TMEM41A: variants seen among roughly 807,000 people sequenced by gnomAD.
TMEM41A encodes transmembrane protein 41A.
A neutral mutation model predicts 25.7 loss-of-function variants in TMEM41A; 20 were observed. That is an observed-to-expected ratio of 0.78 (90% CI 0.55 to 1.13). The LOEUF (loss-of-function observed/expected upper bound fraction) is 1.13, where lower values mean the gene tolerates loss of function less well. Ranked by LOEUF, TMEM41A falls within the 50% of genes most tolerant of loss-of-function variation. The pLI is 0.00. For synonymous variants in TMEM41A, 133 were observed against 139.6 expected (o/e 0.95, Z 0.33); for missense variants, 299 against 314.3 (o/e 0.95, Z 0.37).
intron 1 of TMEM41A, 87 bp downstream of exon 1, chr3:185,498,756 C>CCCGAATAT: frequency 9.9e-7 from 1 of 1,009,744 alleles, no homozygotes; most frequent in Non-Finnish European, 1.4e-6. Context: ...GATACCGGAA[C>CCCGAATAT]CCGAATCTCC....
chr3:185,491,410 C>A lies in TMEM41A; in HGVS notation c.*127G>T. On this transcript the variant is annotated 3_prime_UTR_variant, in exon 5 of 5. Transcript: ENST00000421852. The stretch of plus-strand genomic sequence containing the variant: ...GAGTGTCCTTTCTGAAAAGACACTG[C>A]ACATTGATGCACAGTGTCCACATCA... 1 of 697,114 alleles carries A rather than the reference C, an allele frequency of 1.4e-6. No homozygotes were observed. The highest frequency in any genetic ancestry group is 2.4e-6 in the Non-Finnish European group (1 of 412,518). 43.2% of individuals were successfully genotyped at this position (697,114 alleles called of 1,614,324 possible).
chr3:185,492,397 T>C (rs1424710815), intron 4 of TMEM41A: 1 of 152,104 alleles, frequency 6.6e-6, no homozygotes, highest in Non-Finnish European at 1.5e-5. Flanking sequence ...AGTAAAAAAA[T>C]GCATAAGGTT....
Position 185,498,695 on chromosome 3 carries a change from ACCAGACCCGGATT to A in TMEM41A, c.119+135_119+147del, listed in dbSNP as rs759966628. 6.5e-4 allele frequency: 418 copies of A among 645,500 alleles called. 1 individual carries two copies. Among genetic ancestry groups the A allele is most frequent in the Non-Finnish European group, 9.4e-4 (361 of 382,172 alleles). The allele number at this position is 645,500 out of a possible 1,614,324, so 40.0% of individuals were successfully genotyped here. A position where few individuals can be genotyped will look rare whatever the true frequency, so the allele number is the denominator to read the frequency against. On this transcript the variant is annotated intron_variant, in intron 1 of 4. Coordinates refer to ENST00000421852, the MANE Select transcript of TMEM41A (RefSeq NM_080652.4). ...AGACCGTGCGGACGCGGGCCCGGAT[ACCAGACCCGGATT>A]CCAGTCCGATAAGTGAACCTCAATT...
Position 185,491,772 on chromosome 3 carries a change from G to A in TMEM41A, c.575-15C>T, listed in dbSNP as rs778312138. On this transcript the variant is annotated splice_polypyrimidine_tract_variant and intron_variant, in intron 4 of 4. Transcript: ENST00000421852. ...TGGGATCAAACCTGGAAGAAGAAAA[G>A]GACAAAGCACCTGTTACAAGCAGCA... 1.0e-5 allele frequency: 16 copies of A among 1,577,036 alleles called. No individual in the cohort carries two copies. The highest frequency in any genetic ancestry group is 9.5e-6 in the Non-Finnish European group (11 of 1,156,234).
Position 185,491,436 on chromosome 3 carries a change from C to A in TMEM41A, c.*101G>T. ...ACATTGATGCACAGTGTCCACATCACCTATAGAAGGCAATCAAAAACAATG... is the reference window on the plus strand; with the variant it reads ...ACATTGATGCACAGTGTCCACATCAACTATAGAAGGCAATCAAAAACAATG... On this transcript the variant is annotated 3_prime_UTR_variant, in exon 5 of 5. Coordinates refer to ENST00000421852, the MANE Select transcript of TMEM41A (RefSeq NM_080652.4). The A allele has an allele frequency of 1.2e-6, 1 of 861,636 alleles. No individual in the cohort carries two copies. Among genetic ancestry groups the A allele is most frequent in the East Asian group, 2.5e-5 (1 of 39,986 alleles). 53.4% of individuals were successfully genotyped at this position (861,636 alleles called of 1,614,324 possible).
At chr3:185,494,595 A>G (rs1719045294) in intron 4 of TMEM41A, 28 bp downstream of exon 4, 5 of 1,560,702 alleles carry the variant, frequency 3.2e-6, no homozygotes, top group Non-Finnish European at 3.5e-6. Context: ...AGCTCTGAAG[A>G]CTCAAACCTA....
intron 2 of TMEM41A, 181 bp downstream of exon 2, chr3:185,496,647 G>A: frequency 1.4e-6 from 1 of 720,474 alleles, no homozygotes; most frequent in African/African-American, 1.7e-5. Flanking sequence ...AAAGGAAGCT[G>A]TCAGTGTCTC....
At chr3:185,496,593 CT>C in intron 2 of TMEM41A, 5 of 583,744 alleles carry the variant, frequency 8.6e-6, no homozygotes, top group African/African-American at 3.7e-5. Flanking sequence ...CAGCCTCAGC[CT>C]AGAGGAGAGA....
rs748032280 is a variant in TMEM41A at position 185,495,199 on chromosome 3, CAACT to C, written c.386_389del (p.Gln129ArgfsTer31). ...CTTTATCAGGAAAGTAGGACACCAC[CAACT>C]GTTTGCCAAAAATACTGGAGAGCAG... On this transcript the variant is annotated frameshift_variant, in exon 3 of 5. Coordinates refer to ENST00000421852, the MANE Select transcript of TMEM41A (RefSeq NM_080652.4). 7.4e-6 allele frequency: 12 copies of C among 1,613,910 alleles called. No homozygotes were observed. Among genetic ancestry groups the C allele is most frequent in the Non-Finnish European group, 1.0e-5 (12 of 1,180,006 alleles).
At position 185,491,748 on chromosome 3, in the gene TMEM41A, G is replaced by C. The variant is rs1365483468; in HGVS notation, c.584C>G (p.Pro195Arg). 1 of 1,610,424 alleles carries C rather than the reference G, an allele frequency of 6.2e-7. No individual in the cohort carries two copies. Among genetic ancestry groups the C allele is most frequent in the African/African-American group, 1.3e-5 (1 of 74,848 alleles). ...TGTCTGCACACAGATGAAATTATATGGGATCAAACCTGGAAGAAGAAAAGG... is the reference window on the plus strand; with the variant it reads ...TGTCTGCACACAGATGAAATTATATCGGATCAAACCTGGAAGAAGAAAAGG... ...FFFSVLIGLI[P>R]YNFICVQTGS... The change falls in exon 5 of 5, where the codon CCA becomes CGA. Residue 195 changes from proline (P) to arginine (R), a missense_variant. Transcript: ENST00000421852.
rs1295993399 is a variant in TMEM41A, at chr3:185,491,471, A to G, written c.*66T>C. On this transcript the variant is annotated 3_prime_UTR_variant, in exon 5 of 5. Transcript: ENST00000421852. ...GCAATCAAAAACAATGAGGGGCTTT[A>G]GAGGACCACATCCATTACACAAATA... is the stretch of plus-strand genomic sequence containing the variant. 1 of 1,315,898 alleles carries G rather than the reference A, an allele frequency of 7.6e-7. No individual in the cohort carries two copies. Among genetic ancestry groups the G allele is most frequent in the Non-Finnish European group, 1.1e-6 (1 of 924,004 alleles). 81.5% of individuals were successfully genotyped at this position (1,315,898 alleles called of 1,614,324 possible).
In TMEM41A at chr3:185,495,263, C is replaced by G. The variant is rs780230520; in HGVS notation, c.326G>C (p.Cys109Ser). The change falls in exon 3 of 5, where the codon TGT becomes TCT. Residue 109 changes from cysteine (C) to serine (S), a missense_variant. Cys to Ser is a moderately radical substitution (Grantham distance 112). Coordinates refer to ENST00000421852, the MANE Select transcript of TMEM41A (RefSeq NM_080652.4). ...TGTGGCACCCACCGAGGTCAACACA[C>G]AGCACAGCAGAAGCCCCAGCCATGG... ...FGPWLGLLLCCVLTSVGATCC... is the reference protein window; with the variant it reads ...FGPWLGLLLCSVLTSVGATCC... 1 of 1,613,974 alleles carries G rather than the reference C, an allele frequency of 6.2e-7. No individual in the cohort carries two copies. Among genetic ancestry groups the G allele is most frequent in the South Asian group, 1.1e-5 (1 of 91,066 alleles).
Position 185,494,599 on chromosome 3 carries a change from A to C in TMEM41A, c.574+24T>G, listed in dbSNP as rs115736617. 436 of 1,564,078 alleles carry C rather than the reference A, an allele frequency of 2.8e-4. No individual in the cohort carries two copies. In the African/African-American group the frequency reaches 5.4e-3, roughly 19 times the overall value. Reference sequence around the variant, plus strand: ...CCCAGCGTGACAGCTCTGAAGACTCAAACCTACCCCACTAGCATCTTACCG... The same window carrying C: ...CCCAGCGTGACAGCTCTGAAGACTCCAACCTACCCCACTAGCATCTTACCG... On this transcript the variant is annotated intron_variant, in intron 4 of 4. Transcript: ENST00000421852.
intron 4 of TMEM41A, 27 bp from the exon 5 acceptor site, chr3:185,491,784 T>G (rs756775101): frequency 1.3e-6 from 2 of 1,532,030 alleles, no homozygotes; most frequent in Non-Finnish European, 1.8e-6. Flanking sequence ...ACAAAGCACC[T>G]GTTACAAGCA....
At chr3:185,498,151 A>G (rs1172983675) in intron 1 of TMEM41A, among the ~76,000 whole-genome samples, 3 of 140,602 alleles carry the variant, frequency 2.1e-5, no homozygotes, top group African/African-American at 8.0e-5. Flanking sequence ...TGTAGTCCCA[A>G]TTACTTGGGA....
At chr3:185,492,303 AAAATAAAT>A (rs898397862) in intron 4 of TMEM41A, 12 of 152,200 alleles carry the variant, frequency 7.9e-5, no homozygotes, top group African/African-American at 2.2e-4. Flanking sequence ...CTCTGTCTCA[AAAATAAAT>A]AAATAAATAA....
Position 185,494,651 on chromosome 3 carries a change from G to C in TMEM41A, c.546C>G (p.Ile182Met). Residue 182 changes from isoleucine (I) to methionine (M), a missense_variant, in exon 4 of 5, where the codon ATC becomes ATG. Ile to Met is a conservative substitution (Grantham distance 10). Coordinates refer to ENST00000421852, the MANE Select transcript of TMEM41A (RefSeq NM_080652.4). Reference sequence around the variant, plus strand: ...TAAGAACTGAGAAGAAGAACTGCACGATGGGAATGTTCAGAATTGGGGCCG... The same window carrying C: ...TAAGAACTGAGAAGAAGAACTGCACCATGGGAATGTTCAGAATTGGGGCCG... The part of the protein sequence containing the change: ...NLSAPILNIP[I>M]VQFFFSVLIG... The C allele has an allele frequency of 6.2e-7, 1 of 1,610,416 alleles. No individual in the cohort carries two copies. The highest frequency in any genetic ancestry group is 8.5e-7 in the Non-Finnish European group (1 of 1,178,624).
At chr3:185,492,184 C>A (rs113261619) in intron 4 of TMEM41A, 39 of 157,400 alleles carry the variant, frequency 2.5e-4, no homozygotes, top group Admixed American at 1.1e-3. Context: ...TGCCTGTAAT[C>A]CTAGCTACTC....
chr3:185,496,665 G>A lies in TMEM41A; in HGVS notation c.273+163C>T, dbSNP rs567928528. 1.3e-3 allele frequency: 1,038 copies of A among 827,736 alleles called. 13 individuals are homozygous for A. The highest frequency in any genetic ancestry group is 1.7e-4 in the Non-Finnish European group (90 of 517,006). 51.3% of individuals were successfully genotyped at this position (827,736 alleles called of 1,614,324 possible). ...GGAAGCTGTCAGTGTCTCCCACTTC[G>A]GTGCTCAATCCCTCCGTAAGTGCTG... On this transcript the variant is annotated intron_variant, in intron 2 of 4. Coordinates refer to ENST00000421852, the MANE Select transcript of TMEM41A (RefSeq NM_080652.4).
Sources: gnomAD v4.1 joint callset for allele counts (sites outside exome capture counted in the v4.1 genomes callset) on GRCh38, gnomAD v4.1.1 for gene constraint, MANE v1.5 for transcripts, NCBI Gene and HGNC (gene_info 2026-07-23, HGNC 2026-07-21) for gene names.